TRERF1: variants seen among roughly 807,000 people sequenced by gnomAD.
The protein encoded by TRERF1 is transcriptional-regulating factor 1.
In TRERF1, 27 loss-of-function variants were observed where a neutral mutation model predicts 122.9. That is an observed-to-expected ratio of 0.22 (90% confidence interval 0.16 to 0.30). TRERF1 has a LOEUF of 0.30. TRERF1 is among the 10% of genes least tolerant of loss of function. The probability of loss-of-function intolerance (pLI) is 1.00; values close to 1 mark genes in which losing one functional copy is unlikely to be tolerated. For synonymous variants in TRERF1, 636 were observed against 641.7 expected (o/e 0.99, Z 0.13); for missense variants, 1,248 against 1,560.3 (o/e 0.80, Z 3.37).
chr6:42,323,943 T>G (rs1315068544), intron 3 of TRERF1, among the ~76,000 whole-genome samples: 1 of 152,200 alleles, frequency 6.6e-6, no homozygotes, highest in Non-Finnish European at 1.5e-5. Context: ...TCAGAACAGA[T>G]TGTTGCCAAA....
At chr6:42,413,279 C>A (rs888596749) in intron 2 of TRERF1, among the ~76,000 whole-genome samples, 6 of 152,038 alleles carry the variant, frequency 3.9e-5, no homozygotes, top group Non-Finnish European at 8.8e-5. Context: ...CTTAGTATCA[C>A]TTAATATCAC....
At chr6:42,406,164 C>A (rs546911867) in intron 2 of TRERF1, among the ~76,000 whole-genome samples, 1 of 152,328 alleles carries the variant, frequency 6.6e-6, no homozygotes, top group African/African-American at 2.4e-5. Context: ...GACTTGGTCA[C>A]AGTTATGGAG....
chr6:42,404,130 G>A (rs1779838671), intron 2 of TRERF1, among the ~76,000 whole-genome samples: 1 of 152,130 alleles, frequency 6.6e-6, no homozygotes, highest in Non-Finnish European at 1.5e-5. Context: ...GTTTGCAGAT[G>A]GTGCCCGACT....
At chr6:42,420,442 G>A (rs1469868645) in intron 2 of TRERF1, among the ~76,000 whole-genome samples, 2 of 152,120 alleles carry the variant, frequency 1.3e-5, no homozygotes, top group Non-Finnish European at 2.9e-5. Context: ...CACAAGAGGA[G>A]GAACAGAATG....
chr6:42,284,685 G>C (rs1450916548), intron 4 of TRERF1, among the ~76,000 whole-genome samples: 1 of 152,180 alleles, frequency 6.6e-6, no homozygotes. Flanking sequence ...GCTCTGTTTA[G>C]GGCAAGTTGT....
intron 4 of TRERF1, among the ~76,000 whole-genome samples, chr6:42,270,768 CTTTTT>C (rs1175342905): frequency 1.7e-5 from 2 of 119,622 alleles, no homozygotes; most frequent in Non-Finnish European, 1.8e-5. Context: ...GACCTCATCT[CTTTTT>C]TTTTTTTTTT....
rs1054268888 is a variant in TRERF1 at position 42,275,863 on chromosome 6, C to T, written c.-258-6015G>A. The stretch of plus-strand genomic sequence containing the variant: ...CCCATACATATGGTTTCTGTCACAA[C>T]GCTGCCACGGTAGCGTGAAAGCGGC... On this transcript the variant is annotated intron_variant, in intron 4 of 17. Transcript: ENST00000372922. This position sits in a 1 kb window ranked among gnomAD's most constrained non-coding sequence, Gnocchi z 4.1. Among the ~76,000 whole-genome samples the T allele has an allele frequency of 5.9e-5, 9 of 152,208 alleles. No homozygotes were observed. Among genetic ancestry groups the T allele is most frequent in the Non-Finnish European group, 1.0e-4 (7 of 68,042 alleles).
At chr6:42,290,479 C>A (rs1784108226) in intron 4 of TRERF1, among the ~76,000 whole-genome samples, 1 of 152,098 alleles carries the variant, frequency 6.6e-6, no homozygotes, top group South Asian at 2.1e-4. Context: ...TCTAAATCAT[C>A]CAAGTGTGTG....
At chr6:42,431,855 A>G (rs1456040164) in intron 2 of TRERF1, among the ~76,000 whole-genome samples, 1 of 152,134 alleles carries the variant, frequency 6.6e-6, no homozygotes, top group Non-Finnish European at 1.5e-5. Context: ...TCTGTCCCAA[A>G]TTGTCCCCAC....
chr6:42,276,492 G>A lies in TRERF1; in HGVS notation c.-258-6644C>T, dbSNP rs1199025851. ...AAGGAAGCTTCACTCGACTCCCCTG[G>A]GGCTCCTCTTAGTCCAGCTCACTCC... On this transcript the variant is annotated intron_variant, in intron 4 of 17. Transcript: ENST00000372922. The surrounding 1 kb of genome is among the most constrained non-coding windows in gnomAD (Gnocchi z 4.3). Among the ~76,000 whole-genome samples the A allele has an allele frequency of 1.3e-5, 2 of 152,116 alleles. No homozygotes were observed. Among genetic ancestry groups the A allele is most frequent in the African/African-American group, 2.4e-5 (1 of 41,432 alleles).
At chr6:42,320,129 G>A (rs980702398) in intron 3 of TRERF1, among the ~76,000 whole-genome samples, 1 of 151,962 alleles carries the variant, frequency 6.6e-6, no homozygotes, top group Non-Finnish European at 1.5e-5. Context: ...TCGAACTCCT[G>A]ACCTCAAATG....
Position 42,232,590 on chromosome 6 carries a change from A to G in TRERF1, c.3278+91T>C, listed in dbSNP as rs1212231411. 3 of 1,438,072 alleles carry G rather than the reference A, an allele frequency of 2.1e-6. No homozygotes were observed. The highest frequency in any genetic ancestry group is 2.8e-5 in the African/African-American group (2 of 70,194). The allele number at this position is 1,438,072 out of a possible 1,614,324, so 89.1% of individuals were successfully genotyped here. A position where few individuals can be genotyped will look rare whatever the true frequency, so the allele number is the denominator to read the frequency against. Reference sequence around the variant, plus strand: ...TTTGAGGTCTAAGTTCTTTTTTCTGATTGAAGAAACCTCAGGCCATCCTGG... The same window carrying G: ...TTTGAGGTCTAAGTTCTTTTTTCTGGTTGAAGAAACCTCAGGCCATCCTGG... On this transcript the variant is annotated intron_variant, in intron 17 of 17. Coordinates refer to ENST00000372922, the Ensembl canonical transcript of TRERF1. The surrounding 1 kb of genome is among the most constrained non-coding windows in gnomAD (Gnocchi z 4.5).
At chr6:42,372,548 C>T (rs909339551) in intron 2 of TRERF1, among the ~76,000 whole-genome samples, 11 of 152,164 alleles carry the variant, frequency 7.2e-5, no homozygotes, top group African/African-American at 2.4e-4. Context: ...GTCTCTTCAA[C>T]TAAACCTTTT....
chr6:42,437,557 G>A (rs993159407), intron 2 of TRERF1, among the ~76,000 whole-genome samples: 1 of 152,136 alleles, frequency 6.6e-6, no homozygotes, highest in Non-Finnish European at 1.5e-5. Context: ...CGCTATCCAC[G>A]AATAGCCCCA....
intron 2 of TRERF1, among the ~76,000 whole-genome samples, chr6:42,402,772 G>A (rs1453404422): frequency 6.6e-6 from 1 of 152,142 alleles, no homozygotes; most frequent in African/African-American, 2.4e-5. Flanking sequence ...AAACAAGATC[G>A]AATGCTGCCC....
chr6:42,263,414 G>C lies in TRERF1; in HGVS notation c.1790C>G (p.Pro597Arg). 6.2e-7 allele frequency: 1 copy of C among 1,612,254 alleles called. No homozygotes were observed. Among genetic ancestry groups the C allele is most frequent in the South Asian group, 1.1e-5 (1 of 90,442 alleles). Residue 597 changes from proline to arginine, a missense_variant, in exon 8 of 18, where the codon CCC (proline) becomes CGC (arginine). By Grantham distance (103) the Pro-to-Arg change is moderately radical. This residue lies in a region of TRERF1 where 946 missense variants were observed against 1,073.0 expected (regional missense o/e 0.88). Coordinates refer to ENST00000372922, the Ensembl canonical transcript of TRERF1. This position sits in a 1 kb window ranked among gnomAD's most constrained non-coding sequence, Gnocchi z 5.6. ...GCTGTTGGTGAACCCCTGAGAGCTGGGCTTGGGCGGGAGAAGCTTGACAGG... is the reference window on the plus strand; with the variant it reads ...GCTGTTGGTGAACCCCTGAGAGCTGCGCTTGGGCGGGAGAAGCTTGACAGG...
intron 7 of TRERF1, 81 bp downstream of exon 7, chr6:42,264,623 A>C: frequency 6.4e-7 from 1 of 1,560,274 alleles, no homozygotes; most frequent in Non-Finnish European, 8.7e-7. Flanking sequence ...CATGGGGCTC[A>C]CATCACTCTC....
intron 4 of TRERF1, among the ~76,000 whole-genome samples, chr6:42,271,363 A>G (rs1324033420): frequency 6.6e-6 from 1 of 152,106 alleles, no homozygotes; most frequent in Non-Finnish European, 1.5e-5. Flanking sequence ...CGAAAAATGG[A>G]AACACAATAA....
intron 2 of TRERF1, among the ~76,000 whole-genome samples, chr6:42,410,864 A>G (rs1781007094): frequency 6.6e-6 from 1 of 152,234 alleles, no homozygotes; most frequent in African/African-American, 2.4e-5. Context: ...GTGTGTTTAC[A>G]TGAAATTGAT....
Sources: allele counts gnomAD v4.1 joint callset (sites outside exome capture counted in the v4.1 genomes callset), GRCh38; gene constraint gnomAD v4.1.1; regional missense constraint gnomAD v4.1.1; non-coding constraint Gnocchi (gnomAD v3.1); transcripts MANE v1.5; gene names NCBI Gene and HGNC (gene_info 2026-07-23, HGNC 2026-07-21).